Variants in DOCK1 observed in about 807,000 individuals in gnomAD.
The protein encoded by DOCK1 is dedicator of cytokinesis protein 1.
DOCK1 carries 138 observed loss-of-function variants against 262.7 expected under a neutral mutation model. That is an observed-to-expected ratio of 0.53 (90% confidence interval 0.46 to 0.61). The LOEUF (loss-of-function observed/expected upper bound fraction) is 0.61. Among genes scored for constraint, DOCK1 ranks in the 20% least tolerant of loss-of-function variants. The pLI is 0.00. For synonymous variants in DOCK1, 866 were observed against 867.4 expected (o/e 1.00, Z 0.03); for missense variants, 1,908 against 2,370.7 (o/e 0.80, Z 4.05).
chr10:127,206,219 C>T (rs897409884), intron 27 of DOCK1, among the ~76,000 whole-genome samples: 3 of 134,566 alleles, frequency 2.2e-5, no homozygotes, highest in Non-Finnish European at 4.6e-5. Flanking sequence ...GCTCAGCTCA[C>T]TGCAACCTCC....
intron 23 of DOCK1, among the ~76,000 whole-genome samples, chr10:127,071,350 C>T (rs1304148163): frequency 1.3e-5 from 2 of 152,204 alleles, no homozygotes; most frequent in Non-Finnish European, 1.5e-5. Context: ...TGGATAAATA[C>T]ACTTGTTTCC....
At chr10:127,404,225 A>G (rs902015221) in intron 39 of DOCK1, 100 bp from the exon 40 acceptor site, 2 of 913,672 alleles carry the variant, frequency 2.2e-6, no homozygotes, top group Non-Finnish European at 3.4e-6. Context: ...CTCCCACCCT[A>G]TAGAAGTTGC....
At chr10:127,239,766 T>C (rs1337121783) in intron 27 of DOCK1, among the ~76,000 whole-genome samples, 1 of 152,184 alleles carries the variant, frequency 6.6e-6, no homozygotes, top group African/African-American at 2.4e-5. Context: ...GGCTCTATTA[T>C]TACGTGATAT....
At chr10:127,201,644 AT>A (rs1318738863) in intron 27 of DOCK1, among the ~76,000 whole-genome samples, 11 of 152,120 alleles carry the variant, frequency 7.2e-5, no homozygotes, top group Non-Finnish European at 1.0e-4. Context: ...GCAGTGATGT[AT>A]GGGAATAAGG....
In DOCK1 at chr10:127,343,757, A is replaced by G. The variant is rs770667042; in HGVS notation, c.3224+11A>G. 6.3e-7 allele frequency: 1 copy of G among 1,587,950 alleles called. No homozygotes were observed. Among genetic ancestry groups the G allele is most frequent in the Non-Finnish European group, 8.6e-7 (1 of 1,165,290 alleles). On this transcript the variant is annotated intron_variant, in intron 31 of 51. Coordinates refer to ENST00000623213, the MANE Select transcript of DOCK1 (RefSeq NM_001290223.2). The stretch of plus-strand genomic sequence containing the variant: ...CAAAATCCTTAACAAGTAAGTTCTC[A>G]TCTAGCTCTGAAACTGCAGGCAGGA...
intron 29 of DOCK1, among the ~76,000 whole-genome samples, chr10:127,263,788 A>G (rs2060261873): frequency 6.6e-6 from 1 of 152,170 alleles, no homozygotes; most frequent in Admixed American, 6.5e-5. Flanking sequence ...TGGCTATCAT[A>G]GAATTCTCCT....
intron 29 of DOCK1, among the ~76,000 whole-genome samples, chr10:127,293,596 G>T (rs370555364): frequency 6.6e-6 from 1 of 152,160 alleles, no homozygotes; most frequent in Non-Finnish European, 1.5e-5. Flanking sequence ...CATCCCACCC[G>T]CAGGTTGGCA....
chr10:126,921,846 T>C (rs2033230891), intron 1 of DOCK1, among the ~76,000 whole-genome samples: 1 of 150,918 alleles, frequency 6.6e-6, no homozygotes, highest in Admixed American at 6.6e-5. Flanking sequence ...GAGATGGGGT[T>C]TTGCCATGTC....
intron 23 of DOCK1, among the ~76,000 whole-genome samples, chr10:127,070,320 C>A (rs1450299527): frequency 1.7e-5 from 2 of 119,156 alleles, no homozygotes; most frequent in East Asian, 2.6e-4. Flanking sequence ...GTGGTGTGAT[C>A]TCGGCTCACT....
intron 1 of DOCK1, among the ~76,000 whole-genome samples, chr10:126,966,275 C>A (rs1227098623): frequency 6.6e-6 from 1 of 152,028 alleles, no homozygotes; most frequent in Admixed American, 6.5e-5. Context: ...TTGTTGGACG[C>A]CTATGTTGAT....
At chr10:126,979,568 C>A (rs750188462) in intron 3 of DOCK1, among the ~76,000 whole-genome samples, 8 of 152,104 alleles carry the variant, frequency 5.3e-5, no homozygotes, top group Non-Finnish European at 1.0e-4. Context: ...TTGTTATCAC[C>A]TTCCCCAATT....
intron 1 of DOCK1, among the ~76,000 whole-genome samples, chr10:126,941,761 G>GACAAAACAAGACAAA (rs1380080737): frequency 4.0e-5 from 6 of 150,606 alleles, no homozygotes; most frequent in African/African-American, 1.5e-4. Context: ...TCTCAAAACA[G>GACAAAACAAGACAAA]ACAAAACAAA....
At chr10:127,138,866 C>T (rs932698845) in intron 27 of DOCK1, among the ~76,000 whole-genome samples, 4 of 152,222 alleles carry the variant, frequency 2.6e-5, no homozygotes, top group Admixed American at 1.3e-4. Context: ...AGAGCCCTCT[C>T]GTCTCCATGT....
intron 25 of DOCK1, among the ~76,000 whole-genome samples, chr10:127,115,354 T>G (rs1291395043): frequency 6.6e-6 from 1 of 152,164 alleles, no homozygotes; most frequent in Admixed American, 6.5e-5. Flanking sequence ...GGCTTTAAGC[T>G]TTGTCTCGCC....
intron 27 of DOCK1, among the ~76,000 whole-genome samples, chr10:127,184,259 T>C (rs561761819): frequency 1.3e-5 from 2 of 152,300 alleles, no homozygotes; most frequent in African/African-American, 4.8e-5. Flanking sequence ...ATTCTGTCAG[T>C]ATTTTTATGC....
At chr10:127,112,338 T>G (rs1221618798) in intron 25 of DOCK1, among the ~76,000 whole-genome samples, 1 of 152,210 alleles carries the variant, frequency 6.6e-6, no homozygotes, top group Non-Finnish European at 1.5e-5. Context: ...CTATTAAAAC[T>G]TGCTCATTTC....
chr10:127,104,417 C>T (rs1196356127), intron 23 of DOCK1, among the ~76,000 whole-genome samples: 3 of 152,126 alleles, frequency 2.0e-5, no homozygotes, highest in Admixed American at 1.3e-4. Context: ...GATCGGTGAT[C>T]TATTTAAAGT....
intron 27 of DOCK1, among the ~76,000 whole-genome samples, chr10:127,164,878 C>CA (rs1391931766): frequency 6.6e-6 from 1 of 152,118 alleles, no homozygotes; most frequent in Non-Finnish European, 1.5e-5. Context: ...ATGATACAAA[C>CA]AAGTCATTTG....
chr10:126,965,635 T>G (rs2037614857), intron 1 of DOCK1, among the ~76,000 whole-genome samples: 2 of 152,166 alleles, frequency 1.3e-5, no homozygotes, highest in Non-Finnish European at 2.9e-5. Flanking sequence ...AGACCTCTGT[T>G]TTCATCTGTG....
Sources: gnomAD v4.1 joint callset for allele counts (sites outside exome capture counted in the v4.1 genomes callset) on GRCh38, gnomAD v4.1.1 for gene constraint, MANE v1.5 for transcripts, NCBI Gene and HGNC (gene_info 2026-07-23, HGNC 2026-07-21) for gene names.